Variants in TOMM5 observed in about 807,000 individuals in gnomAD.
TOMM5 encodes the protein mitochondrial import receptor subunit TOM5 homolog.
In TOMM5, 1 loss-of-function variant was observed where a neutral mutation model predicts 4.8. The observed-to-expected ratio is 0.21, with a 90% CI of 0.07 to 0.99. The LOEUF is 0.99. Among genes scored for constraint, TOMM5 ranks in the 50% least tolerant of loss-of-function variants. The pLI is 0.60. For missense variants in TOMM5, 60 were observed against 66.6 expected, an observed-to-expected ratio of 0.90 and a Z score of 0.35; for synonymous variants, 26 against 26.7, an observed-to-expected ratio of 0.97 and a Z score of 0.08.
chr9:37,591,602 G>A (rs1325226559), intron 1 of TOMM5, among the ~76,000 whole-genome samples: 3 of 151,666 alleles, frequency 2.0e-5, no homozygotes, highest in Admixed American at 6.6e-5. Flanking sequence ...TGAGGTGGGA[G>A]AATGGCTTGA....
At position 37,592,425 on chromosome 9, in the gene TOMM5, G is replaced by A. The variant is rs2119238595; in HGVS notation, c.108C>T (p.Ala36=). ...SSIRNFLIYV[A]LLRVTPFILK... ...GGAGACACTCACTGACTCGCAGGAG[G>A]GCCACGTAGATGAGAAAGTTCCGTA... Residue 36 remains alanine (A), a synonymous_variant, in exon 1 of 2, where the codon GCC becomes GCT. Coordinates refer to ENST00000321301, the MANE Select transcript of TOMM5 (RefSeq NM_001001790.3). The A allele has an allele frequency of 6.2e-7, 1 of 1,614,108 alleles. No individual in the cohort carries two copies. The highest frequency in any genetic ancestry group is 2.2e-5 in the East Asian group (1 of 44,872).
Position 37,589,393 on chromosome 9 carries a change from T to C in TOMM5, c.122-461A>G, listed in dbSNP as rs545164480. Among the ~76,000 whole-genome samples the C allele has an allele frequency of 7.2e-5, 11 of 152,358 alleles. No individual in the cohort carries two copies. The South Asian group carries it at 8.3e-4, about 11-fold the overall frequency. ...TTTTGGGTCTCTTACTGATTAGCTA[T>C]ATATCACTTAACATACTCTAGATCA... On this transcript the variant is annotated intron_variant, in intron 1 of 1. Coordinates refer to ENST00000321301, the MANE Select transcript of TOMM5 (RefSeq NM_001001790.3).
rs1244590333 is a variant in TOMM5 at position 37,588,830 on chromosome 9, C to T, written c.*68G>A. ...TCTTACACCTTTCTGGGCCTATTCA[C>T]TTGCAGAGAGGAGTCGAAACTGTAA... On this transcript the variant is annotated 3_prime_UTR_variant, in exon 2 of 2. Coordinates refer to ENST00000321301, the MANE Select transcript of TOMM5 (RefSeq NM_001001790.3). 2.0e-6 allele frequency: 3 copies of T among 1,492,710 alleles called. No homozygotes were observed. Among genetic ancestry groups the T allele is most frequent in the African/African-American group, 1.4e-5 (1 of 72,542 alleles). 92.5% of individuals were successfully genotyped at this position (1,492,710 alleles called of 1,614,324 possible). A position where few individuals can be genotyped will look rare whatever the true frequency, so the allele number is the denominator to read the frequency against.
chr9:37,590,203 G>T (rs1254895778), intron 1 of TOMM5, among the ~76,000 whole-genome samples: 1 of 152,092 alleles, frequency 6.6e-6, no homozygotes, highest in Non-Finnish European at 1.5e-5. Flanking sequence ...GACCAACCTG[G>T]GCAGCATAAT....
intron 1 of TOMM5, among the ~76,000 whole-genome samples, chr9:37,591,490 AGACCG>A (rs768444582): frequency 2.2e-4 from 33 of 152,216 alleles, no homozygotes; most frequent in Middle Eastern, 3.4e-3. Flanking sequence ...CAGGAGTTCG[AGACCG>A]GCCTGGCCAA....
At chr9:37,592,340 C>G (rs1420093278) in intron 1 of TOMM5, 72 bp downstream of exon 1, 1 of 1,607,340 alleles carries the variant, frequency 6.2e-7, no homozygotes. Context: ...CCCCGATGAC[C>G]CCTTAGAGTT....
chr9:37,590,688 G>A (rs892092886), intron 1 of TOMM5, among the ~76,000 whole-genome samples: 8 of 152,132 alleles, frequency 5.3e-5, no homozygotes, highest in African/African-American at 1.9e-4. Flanking sequence ...TCACTGAGAA[G>A]CAGCAAATAT....
rs760037522 is a variant in TOMM5 at position 37,592,549 on chromosome 9, C to A, written c.-17G>T. 6.2e-7 allele frequency: 1 copy of A among 1,607,368 alleles called. No homozygotes were observed. The highest frequency in any genetic ancestry group is 1.1e-5 in the South Asian group (1 of 90,764). On this transcript the variant is annotated 5_prime_UTR_variant, in exon 1 of 2. Coordinates refer to ENST00000321301, the MANE Select transcript of TOMM5 (RefSeq NM_001001790.3). ...CCGGAACATCGCGGCTCTGACTTAG[C>A]AGCTTCCAGCCGCCGCGCTCTGCTC...
intron 1 of TOMM5, among the ~76,000 whole-genome samples, chr9:37,589,144 C>T (rs1288823727): frequency 1.3e-5 from 2 of 152,234 alleles, no homozygotes; most frequent in Non-Finnish European, 2.9e-5. Context: ...CATTCTTATA[C>T]TACATAAAAC....
rs941031980 is a variant in TOMM5, at chr9:37,591,823, T to G, written c.121+589A>C. ...TTGGCCAGCCTTCCCAAGAAGGCTGTTTCTTCCTTCTAGAACTATGGTTCT... is the reference window on the plus strand; with the variant it reads ...TTGGCCAGCCTTCCCAAGAAGGCTGGTTCTTCCTTCTAGAACTATGGTTCT... On this transcript the variant is annotated intron_variant, in intron 1 of 1. Transcript: ENST00000321301. 3.3e-5 allele frequency among the ~76,000 whole-genome samples: 5 copies of G among 152,102 alleles called. No individual in the cohort carries two copies. The East Asian group carries it at 9.6e-4, about 29-fold the overall frequency.
Position 37,588,565 on chromosome 9 carries a change from C to T in TOMM5, c.*333G>A, listed in dbSNP as rs1009869543. ...AGAAGAAAAAGGTAAACAGAAATGACTGACAAGACAGTGCCATTTCAGACA... is the reference window on the plus strand; with the variant it reads ...AGAAGAAAAAGGTAAACAGAAATGATTGACAAGACAGTGCCATTTCAGACA... On this transcript the variant is annotated 3_prime_UTR_variant, in exon 2 of 2. Transcript: ENST00000321301. 1 of 445,950 alleles carries T rather than the reference C, an allele frequency of 2.2e-6. No homozygotes were observed. Among genetic ancestry groups the T allele is most frequent in the Admixed American group, 3.4e-5 (1 of 29,400 alleles). The allele number at this position is 445,950 out of a possible 1,614,324, so 27.6% of individuals were successfully genotyped here.
chr9:37,592,574 C>A lies in TOMM5; in HGVS notation c.-42G>T, dbSNP rs766074927. Reference sequence around the variant, plus strand: ...CAGCTTCCAGCCGCCGCGCTCTGCTCTCCACGGTGGCCGCCTCGCGCCCGG... The same window carrying A: ...CAGCTTCCAGCCGCCGCGCTCTGCTATCCACGGTGGCCGCCTCGCGCCCGG... On this transcript the variant is annotated 5_prime_UTR_variant, in exon 1 of 2. Transcript: ENST00000321301. The A allele has an allele frequency of 6.3e-6, 10 of 1,593,992 alleles. No individual in the cohort carries two copies. The South Asian group carries it at 7.9e-5, about 13-fold the overall frequency.
intron 1 of TOMM5, among the ~76,000 whole-genome samples, chr9:37,591,819 G>T (rs1823107540): frequency 6.6e-6 from 1 of 152,146 alleles, no homozygotes; most frequent in African/African-American, 2.4e-5. Flanking sequence ...TCCCAAGAAG[G>T]CTGTTTCTTC....
At position 37,592,419 on chromosome 9, in the gene TOMM5, C is replaced by A; in HGVS notation, c.114G>T (p.Leu38=). Residue 38 remains leucine (L), a synonymous_variant, in exon 1 of 2, where the codon CTG becomes CTT. Coordinates refer to ENST00000321301, the MANE Select transcript of TOMM5 (RefSeq NM_001001790.3). The stretch of plus-strand genomic sequence containing the variant: ...AGCCCGGGAGACACTCACTGACTCG[C>A]AGGAGGGCCACGTAGATGAGAAAGT... ...IRNFLIYVAL[L]RVTPFILKKL... The A allele has an allele frequency of 6.2e-7, 1 of 1,614,102 alleles. No individual in the cohort carries two copies. Among genetic ancestry groups the A allele is most frequent in the South Asian group, 1.1e-5 (1 of 91,050 alleles).
Position 37,592,407 on chromosome 9 carries a change from C to T in TOMM5, c.121+5G>A. On this transcript the variant is annotated splice_donor_5th_base_variant and intron_variant, in intron 1 of 1. Coordinates refer to ENST00000321301, the MANE Select transcript of TOMM5 (RefSeq NM_001001790.3). ...TCTCACAGTCACAGCCCGGGAGACA[C>T]TCACTGACTCGCAGGAGGGCCACGT... is the stretch of plus-strand genomic sequence containing the variant. 1.9e-6 allele frequency: 3 copies of T among 1,614,054 alleles called. No homozygotes were observed. Among genetic ancestry groups the T allele is most frequent in the Non-Finnish European group, 2.5e-6 (3 of 1,179,980 alleles).
intron 1 of TOMM5, among the ~76,000 whole-genome samples, chr9:37,589,760 A>C (rs543271088): frequency 1.4e-4 from 22 of 152,168 alleles, no homozygotes; most frequent in Non-Finnish European, 2.6e-4. Flanking sequence ...GAGCTCGAAC[A>C]ATCTGCCCGC....
rs576902594 is a variant in TOMM5 at position 37,591,244 on chromosome 9, A to G, written c.121+1168T>C. ...GGAGTAACTTCCTGTCAATTTTAAG[A>G]TATAGAAAAAAAAACCTCAAATATT... On this transcript the variant is annotated intron_variant, in intron 1 of 1. Coordinates refer to ENST00000321301, the MANE Select transcript of TOMM5 (RefSeq NM_001001790.3). 4.6e-5 allele frequency among the ~76,000 whole-genome samples: 7 copies of G among 152,290 alleles called. No homozygotes were observed. The East Asian group carries it at 1.3e-3, about 29-fold the overall frequency.
chr9:37,592,004 G>C (rs536322989), intron 1 of TOMM5, among the ~76,000 whole-genome samples: 1 of 151,738 alleles, frequency 6.6e-6, no homozygotes, highest in Non-Finnish European at 1.5e-5. Flanking sequence ...TGCAACCTCC[G>C]CCTCCTGGAT....
intron 1 of TOMM5, among the ~76,000 whole-genome samples, chr9:37,590,653 AAAC>A (rs1439950130): frequency 6.6e-6 from 1 of 152,230 alleles, no homozygotes; most frequent in Non-Finnish European, 1.5e-5. Context: ...AAGTGAAAAT[AAAC>A]AATTCATATC....
Sources: allele counts gnomAD v4.1 joint callset (sites outside exome capture counted in the v4.1 genomes callset), GRCh38; gene constraint gnomAD v4.1.1; transcripts MANE v1.5; gene names NCBI Gene and HGNC (gene_info 2026-07-23, HGNC 2026-07-21).